Variants in ANO1 observed in about 807,000 individuals in gnomAD.
ANO1 encodes anoctamin 1, also known as anoctamin-1.
In ANO1, 59 loss-of-function variants were observed where a neutral mutation model predicts 124.0. The ratio of observed to expected loss-of-function variants is 0.48; its 90% CI spans 0.39 to 0.59. ANO1 has a LOEUF of 0.59. Among genes scored for constraint, ANO1 ranks in the 20% least tolerant of loss-of-function variants. The probability of loss-of-function intolerance (pLI) is 0.00; values close to 1 mark genes in which losing one functional copy is unlikely to be tolerated. For synonymous variants in ANO1, 529 were observed against 532.0 expected, an observed-to-expected ratio of 0.99 and a Z score of 0.08; for missense variants, 1,059 against 1,328.0, an observed-to-expected ratio of 0.80 and a Z score of 3.15.
chr11:70,179,786 G>A (rs570006155), intron 22 of ANO1, among the ~76,000 whole-genome samples: 1 of 152,328 alleles, frequency 6.6e-6, no homozygotes, highest in Admixed American at 6.5e-5. Flanking sequence ...TCTTTTAGAA[G>A]CTGGTGAGCT....
the ANO1 span, among the ~76,000 whole-genome samples, chr11:69,975,336 C>A: frequency 0.045 from 6,894 of 152,288 alleles, 256 homozygotes; most frequent in African/African-American, 0.1. Context: ...TGCTGGACAG[C>A]CCCCCTCCCC....
chr11:70,073,185 G>A (rs1390969579), intron 1 of ANO1, among the ~76,000 whole-genome samples: 1 of 152,186 alleles, frequency 6.6e-6, no homozygotes, highest in Admixed American at 6.5e-5. Context: ...GGCAGAGTGG[G>A]CAGGTGCTGT....
rs771072415 is a variant in ANO1 at position 70,118,324 on chromosome 11, T to C, written c.897+1825T>C. Among the ~76,000 whole-genome samples, 37 of 152,210 alleles carry C rather than the reference T, an allele frequency of 2.4e-4. No homozygotes were observed. The South Asian group carries it at 2.9e-3, about 12-fold the overall frequency. On this transcript the variant is annotated intron_variant, in intron 8 of 25. Transcript: ENST00000355303. ...GTTACTTATTCATTTGAGAAATACCTACTGGGCACTACTCTGTGCCAGGCC... is the reference window on the plus strand; with the variant it reads ...GTTACTTATTCATTTGAGAAATACCCACTGGGCACTACTCTGTGCCAGGCC...
rs371604155 is a variant in ANO1 at position 70,182,673 on chromosome 11, G to A, written c.2575G>A (p.Val859Met). ...TGACCCCCTGGACCTGGGCTACGAG[G>A]TGCAGATCTGCAGGTACTGCTCTCT... is the stretch of plus-strand genomic sequence containing the variant. ...PNDPLDLGYEVQICRYKDYRE... is the reference protein window; with the variant it reads ...PNDPLDLGYEMQICRYKDYRE... The change falls in exon 24 of 26, where the codon GTG becomes ATG. Residue 859 changes from valine (V) to methionine (M), a missense_variant. Physicochemically the swap from Val to Met is conservative, Grantham distance 21 (BLOSUM62 1). This residue lies in a region of ANO1 where 809 missense variants were observed against 1,094.9 expected (regional missense o/e 0.74). Transcript: ENST00000355303. 4 of 1,596,438 alleles carry A rather than the reference G, an allele frequency of 2.5e-6. No homozygotes were observed. The highest frequency in any genetic ancestry group is 3.4e-6 in the Non-Finnish European group (4 of 1,171,338).
At chr11:70,095,283 G>GGAAAGAAGGAAGGAAGGAAGGAAGGAAA (rs2044824499) in intron 2 of ANO1, among the ~76,000 whole-genome samples, 1 of 84,020 alleles carries the variant, frequency 1.2e-5, no homozygotes, top group African/African-American at 5.8e-5. Flanking sequence ...AAGGAAGGAA[G>GGAAAGAAGGAAGGAAGGAAGGAAGGAAA]GAAGGAAGGA....
At chr11:70,085,915 A>T (rs1219355827) in intron 1 of ANO1, among the ~76,000 whole-genome samples, 1 of 152,238 alleles carries the variant, frequency 6.6e-6, no homozygotes, top group Non-Finnish European at 1.5e-5. Context: ...ATTTAGAGCC[A>T]TGGTGCAGCC....
chr11:69,971,226 A>G, the ANO1 span, among the ~76,000 whole-genome samples: 1 of 152,152 alleles, frequency 6.6e-6, no homozygotes, highest in African/African-American at 2.4e-5. Flanking sequence ...CAGTTTCCTC[A>G]TCTGTAAAAG....
chr11:70,111,683 C>T, intron 6 of ANO1, 24 bp from the exon 7 acceptor site: 2 of 1,613,754 alleles, frequency 1.2e-6, no homozygotes, highest in Middle Eastern at 3.3e-4. Flanking sequence ...GCCCCATAAC[C>T]TTCTCTCTGC....
intron 22 of ANO1, among the ~76,000 whole-genome samples, chr11:70,179,575 G>T (rs1029249017): frequency 6.6e-6 from 1 of 152,218 alleles, no homozygotes; most frequent in African/African-American, 2.4e-5. Context: ...AGGGGCCCTG[G>T]CACTGTTCCT....
chr11:70,087,719 A>T (rs2044439203), intron 1 of ANO1, 33 bp from the exon 2 acceptor site: 1 of 1,542,172 alleles, frequency 6.5e-7, no homozygotes, highest in Non-Finnish European at 8.8e-7. Flanking sequence ...GAGCAGCTCG[A>T]TGGTGAATGG....
intron 1 of ANO1, among the ~76,000 whole-genome samples, chr11:70,019,808 T>C (rs552922549): frequency 6.4e-4 from 98 of 152,352 alleles, no homozygotes; most frequent in African/African-American, 2.3e-3. Flanking sequence ...CAGCCACTTT[T>C]AATCACAAAA....
intron 1 of ANO1, among the ~76,000 whole-genome samples, chr11:70,039,230 C>A (rs1433413066): frequency 6.6e-6 from 1 of 152,100 alleles, no homozygotes; most frequent in Non-Finnish European, 1.5e-5. Context: ...AGGACTCATG[C>A]TTAAACACTG....
chr11:69,977,048 C>G, the ANO1 span, among the ~76,000 whole-genome samples: 1 of 152,240 alleles, frequency 6.6e-6, no homozygotes, highest in Non-Finnish European at 1.5e-5. Flanking sequence ...TGCACACTCA[C>G]TCTCTTCTGC....
chr11:69,974,487 C>T, the ANO1 span, among the ~76,000 whole-genome samples: 1 of 152,196 alleles, frequency 6.6e-6, no homozygotes, highest in Non-Finnish European at 1.5e-5. Flanking sequence ...AACTGAGGCA[C>T]AGAAAGGAAA....
chr11:70,077,575 T>C (rs1460817859), upstream of ANO1, among the ~76,000 whole-genome samples: 1 of 151,486 alleles, frequency 6.6e-6, no homozygotes, highest in Non-Finnish European at 1.5e-5. Context: ...AAAGCCACCA[T>C]CCCCCCCGCT....
At chr11:70,061,124 T>C (rs1385263731) in intron 1 of ANO1, among the ~76,000 whole-genome samples, 1 of 152,082 alleles carries the variant, frequency 6.6e-6, no homozygotes, top group East Asian at 1.9e-4. Context: ...GGTGCATGTA[T>C]GCTGATGGGG....
At chr11:70,116,576 G>C in intron 8 of ANO1, 77 bp downstream of exon 8, 4 of 1,459,212 alleles carry the variant, frequency 2.7e-6, no homozygotes, top group South Asian at 1.2e-5. Flanking sequence ...GCCTGCAGCT[G>C]GACCGAGGAC....
At chr11:70,075,916 C>G (rs1301721979), upstream of ANO1, among the ~76,000 whole-genome samples, 3 of 152,190 alleles carry the variant, frequency 2.0e-5, no homozygotes, top group Non-Finnish European at 2.9e-5. Context: ...TTTTCCCGCT[C>G]CTATTTTGGG....
intron 2 of ANO1, among the ~76,000 whole-genome samples, chr11:70,102,014 C>T (rs1256054352): frequency 1.3e-5 from 2 of 152,148 alleles, no homozygotes; most frequent in African/African-American, 2.4e-5. Context: ...ACAGGAAGGC[C>T]GACTGATGTG....
Sources: gnomAD v4.1 joint callset for allele counts (sites outside exome capture counted in the v4.1 genomes callset) on GRCh38, gnomAD v4.1.1 for gene constraint, gnomAD v4.1.1 regional missense constraint, MANE v1.5 for transcripts, NCBI Gene and HGNC (gene_info 2026-07-23, HGNC 2026-07-21) for gene names.